Variants in ANKRD36B observed in about 807,000 individuals in gnomAD.
ANKRD36B encodes the protein ankyrin repeat domain-containing protein 36B.
Under a neutral mutation model 135.7 loss-of-function variants are expected in ANKRD36B, and 37 were observed. The observed-to-expected ratio is 0.27, with a 90% CI of 0.21 to 0.36. The LOEUF is 0.36. ANKRD36B is among the 10% of genes least tolerant of loss of function. The pLI is 1.00. For missense variants in ANKRD36B, 549 were observed against 1,037.1 expected (o/e 0.53, Z 6.46); for synonymous variants, 179 against 348.1 (o/e 0.51, Z 5.41).
chr2:97,552,640 G>C (rs1405920051), intron 16 of ANKRD36B, among the ~76,000 whole-genome samples: 1 of 151,774 alleles, frequency 6.6e-6, no homozygotes, highest in Non-Finnish European at 1.5e-5. Flanking sequence ...GATTTCCTCA[G>C]CAGAAAACCC....
At position 97,558,832 on chromosome 2, in the gene ANKRD36B, T is replaced by C. The variant is rs2080762996; in HGVS notation, c.934A>G (p.Thr312Ala). The C allele has an allele frequency of 6.2e-7, 1 of 1,611,454 alleles. No individual in the cohort carries two copies. The highest frequency in any genetic ancestry group is 8.5e-7 in the Non-Finnish European group (1 of 1,178,778). The stretch of plus-strand genomic sequence containing the variant: ...GATTGTTGTCCCTCCTTTATTTCTG[T>C]GGCTATATTTGAAACAGAATCTTTC... ...DEKDSVSNIA[T>A]EIKEGQQSGT... Residue 312 changes from threonine (T) to alanine (A), a missense_variant, in exon 10 of 44, where the codon ACA becomes GCA. Transcript: ENST00000359901.
intron 6 of ANKRD36B, among the ~76,000 whole-genome samples, chr2:97,574,594 G>A (rs1299347972): frequency 6.6e-6 from 1 of 152,134 alleles, no homozygotes; most frequent in Non-Finnish European, 1.5e-5. Flanking sequence ...GCACATGTCT[G>A]TAGACTACTT....
intron 8 of ANKRD36B, 59 bp from the exon 9 acceptor site, chr2:97,559,053 C>T (rs1306341861): frequency 4.4e-6 from 7 of 1,599,862 alleles, no homozygotes; most frequent in Non-Finnish European, 4.2e-6. Flanking sequence ...TTTATCCATA[C>T]ATTCCATGCA....
rs188295280 is a variant in ANKRD36B, at chr2:97,525,261, C to G, written c.2266-1794G>C. 6.0e-3 allele frequency among the ~76,000 whole-genome samples: 581 copies of G among 96,606 alleles called. 233 individuals are homozygous for G. The highest frequency in any genetic ancestry group is 0.011 in the Non-Finnish European group (413 of 36,358). 63.4% of individuals were successfully genotyped at this position (96,606 alleles called of 152,430 possible). On this transcript the variant is annotated intron_variant, in intron 35 of 43. Transcript: ENST00000359901. ...ATGAATTAGGAGATGACTTGTGGTACTATAAAGGCACTGTCACTTTAAAAG... is the reference window on the plus strand; with the variant it reads ...ATGAATTAGGAGATGACTTGTGGTAGTATAAAGGCACTGTCACTTTAAAAG...
intron 6 of ANKRD36B, among the ~76,000 whole-genome samples, chr2:97,561,534 T>C (rs1255415246): frequency 6.6e-6 from 1 of 151,920 alleles, no homozygotes; most frequent in Non-Finnish European, 1.5e-5. Flanking sequence ...AGGTATAATA[T>C]ATAAACTTCA....
intron 12 of ANKRD36B, 90 bp from the exon 13 acceptor site, chr2:97,555,344 T>C (rs12712057): frequency 0.61 from 954,895 of 1,560,114 alleles, 307,346 homozygotes; most frequent in Non-Finnish European, 0.67. Context: ...AAGCTGTATC[T>C]TCCTGCCTGT....
rs898958450 is a variant in ANKRD36B at position 97,555,314 on chromosome 2, A to G, written c.1070-60T>C. ...GTAAATATGATAAAGTTATCCATACATTCATGAAATGTTAGCATCAAGCTG... is the reference window on the plus strand; with the variant it reads ...GTAAATATGATAAAGTTATCCATACGTTCATGAAATGTTAGCATCAAGCTG... On this transcript the variant is annotated intron_variant, in intron 12 of 43. Transcript: ENST00000359901. 16 of 1,601,778 alleles carry G rather than the reference A, an allele frequency of 1.0e-5. No homozygotes were observed. In the African/African-American group the frequency reaches 1.5e-4, roughly 15 times the overall value.
At chr2:97,576,351 A>C in intron 6 of ANKRD36B, 28 bp downstream of exon 6, 1 of 1,081,568 alleles carries the variant, frequency 9.2e-7, no homozygotes, top group Non-Finnish European at 1.3e-6. Flanking sequence ...TAGTACCATC[A>C]AGAGTAATTC....
intron 24 of ANKRD36B, 90 bp downstream of exon 24, chr2:97,545,576 A>G: frequency 1.4e-6 from 1 of 710,174 alleles, no homozygotes; most frequent in East Asian, 2.9e-5. Flanking sequence ...GAACATGAAG[A>G]TTTGACGAAC....
chr2:97,582,294 C>T (rs999841444), intron 3 of ANKRD36B, among the ~76,000 whole-genome samples: 28 of 151,886 alleles, frequency 1.8e-4, no homozygotes, highest in African/African-American at 6.8e-4. Flanking sequence ...AAAAGTTCAA[C>T]CCGATTACCA....
chr2:97,565,839 A>G (rs1275853214), intron 6 of ANKRD36B, among the ~76,000 whole-genome samples: 1 of 151,044 alleles, frequency 6.6e-6, no homozygotes, highest in Non-Finnish European at 1.5e-5. Flanking sequence ...TGAGCCAGTA[A>G]TCTCATTACT....
intron 6 of ANKRD36B, among the ~76,000 whole-genome samples, chr2:97,567,349 T>C (rs1201569752): frequency 1.3e-4 from 20 of 150,214 alleles, no homozygotes; most frequent in South Asian, 2.2e-4. Context: ...GCATGACTGA[T>C]TAATTGAACA....
intron 1 of ANKRD36B, among the ~76,000 whole-genome samples, chr2:97,587,562 T>G (rs1016896779): frequency 1.7e-4 from 26 of 152,316 alleles, no homozygotes; most frequent in African/African-American, 6.0e-4. Context: ...TTTATAAAAT[T>G]TATAAAATCC....
chr2:97,566,969 C>A (rs552087260), intron 6 of ANKRD36B, among the ~76,000 whole-genome samples: 63 of 152,092 alleles, frequency 4.1e-4, no homozygotes, highest in Admixed American at 2.2e-3. Flanking sequence ...AGGCTATTCC[C>A]CCACAGCAGT....
intron 18 of ANKRD36B, among the ~76,000 whole-genome samples, chr2:97,550,026 CAA>C (rs2079894145): frequency 1.3e-5 from 2 of 151,864 alleles, no homozygotes; most frequent in African/African-American, 4.8e-5. Context: ...CATTATACTA[CAA>C]ACATTCATCA....
Position 97,547,666 on chromosome 2 carries a change from A to G in ANKRD36B, c.1506+37T>C, listed in dbSNP as rs190719922. The stretch of plus-strand genomic sequence containing the variant: ...ATAAAGTATGTTTCATAGACTATAC[A>G]TTTACTAGTTCACAATATAAATGAC... On this transcript the variant is annotated intron_variant, in intron 21 of 43. Transcript: ENST00000359901. 9 of 1,555,728 alleles carry G rather than the reference A, an allele frequency of 5.8e-6. No homozygotes were observed. In the East Asian group the frequency reaches 1.9e-4, roughly 33 times the overall value.
Position 97,584,927 on chromosome 2 carries a change from C to T in ANKRD36B, c.450+17G>A. ...TGCATTTCAGATAGTTTGAAAATAA[C>T]ATTGGTTGACCTATACCTTGCTGCA... On this transcript the variant is annotated intron_variant, in intron 3 of 43. Coordinates refer to ENST00000359901, the MANE Select transcript of ANKRD36B (RefSeq NM_001393939.1). The T allele has an allele frequency of 6.5e-7, 1 of 1,536,756 alleles. No individual in the cohort carries two copies. The highest frequency in any genetic ancestry group is 1.2e-5 in the South Asian group (1 of 84,784).
rs2079298970 is a variant in ANKRD36B, at chr2:97,544,303, T to C, written c.1682-318A>G. ...TGTGATCTAAAATCAGAGGAGCAAC[T>C]CATACAATTGAGAATCAATGTCAAA... is the stretch of plus-strand genomic sequence containing the variant. On this transcript the variant is annotated intron_variant, in intron 24 of 43. Transcript: ENST00000359901. 2.2e-5 allele frequency among the ~76,000 whole-genome samples: 2 copies of C among 89,480 alleles called. 1 individual carries two copies. The allele number at this position is 89,480 out of a possible 152,430, so 58.7% of individuals were successfully genotyped here.
chr2:97,572,734 C>A (rs560281547), intron 6 of ANKRD36B, among the ~76,000 whole-genome samples: 7 of 145,818 alleles, frequency 4.8e-5, no homozygotes, highest in African/African-American at 1.1e-4. Context: ...TCTTTAGGGA[C>A]GAAATTAAAA....
Sources: allele counts gnomAD v4.1 joint callset (sites outside exome capture counted in the v4.1 genomes callset), GRCh38; gene constraint gnomAD v4.1.1; transcripts MANE v1.5; gene names NCBI Gene and HGNC (gene_info 2026-07-23, HGNC 2026-07-21).